Variants in SEMA5B observed in about 807,000 individuals in gnomAD.
SEMA5B encodes the protein semaphorin-5B.
A neutral mutation model predicts 135.0 loss-of-function variants in SEMA5B; 66 were observed. The observed-to-expected ratio is 0.49, with a 90% CI of 0.40 to 0.60. SEMA5B has a LOEUF of 0.60. SEMA5B is among the 20% of genes least tolerant of loss of function. The probability of loss-of-function intolerance (pLI) is 0.00; values close to 1 mark genes in which losing one functional copy is unlikely to be tolerated. For missense variants in SEMA5B, 1,501 were observed against 1,566.3 expected (o/e 0.96, Z 0.70); for synonymous variants, 690 against 639.5 (o/e 1.08, Z -1.19).
intron 1 of SEMA5B, among the ~76,000 whole-genome samples, chr3:123,006,786 C>G (rs895236492): frequency 5.9e-5 from 9 of 152,100 alleles, no homozygotes; most frequent in African/African-American, 1.9e-4. Flanking sequence ...CACCCTCCCC[C>G]CATCTATGTT....
At chr3:122,930,781 A>G (rs1055291356) in intron 5 of SEMA5B, among the ~76,000 whole-genome samples, 1 of 152,240 alleles carries the variant, frequency 6.6e-6, no homozygotes, top group African/African-American at 2.4e-5. Flanking sequence ...TGAAACACAT[A>G]GCCTTTTGCT....
chr3:123,024,159 A>G (rs1354920014), intron 1 of SEMA5B, among the ~76,000 whole-genome samples: 1 of 152,264 alleles, frequency 6.6e-6, no homozygotes, highest in East Asian at 1.9e-4. Context: ...GCTAACTCAG[A>G]TCATTGGATA....
At position 122,915,168 on chromosome 3, in the gene SEMA5B, C is replaced by T. The variant is rs189602637; in HGVS notation, c.1988+272G>A. On this transcript the variant is annotated intron_variant, in intron 14 of 22. Transcript: ENST00000357599. The stretch of plus-strand genomic sequence containing the variant: ...GTTTGGGATGAGACTTACTGAGGCA[C>T]GCTTTTGTCTAGGAGTGACCTCCAT... Among the ~76,000 whole-genome samples, 17 of 152,330 alleles carry T rather than the reference C, an allele frequency of 1.1e-4. No homozygotes were observed. In the South Asian group the frequency reaches 2.1e-3, roughly 19 times the overall value.
chr3:122,990,143 AC>A (rs959007486), intron 1 of SEMA5B, among the ~76,000 whole-genome samples: 2 of 152,058 alleles, frequency 1.3e-5, no homozygotes, highest in Non-Finnish European at 2.9e-5. Context: ...CACCTGGAGC[AC>A]CTCTCAGCGC....
At chr3:123,026,170 G>C (rs905205927) in intron 1 of SEMA5B, among the ~76,000 whole-genome samples, 18 of 152,206 alleles carry the variant, frequency 1.2e-4, no homozygotes. Flanking sequence ...GAAAAAGATG[G>C]GGTTAGGGCC....
chr3:122,954,939 C>T (rs915959598), intron 2 of SEMA5B, among the ~76,000 whole-genome samples: 3 of 151,030 alleles, frequency 2.0e-5, no homozygotes, highest in Non-Finnish European at 2.9e-5. Context: ...ACTACAGGCA[C>T]ATACCACCAG....
intron 1 of SEMA5B, among the ~76,000 whole-genome samples, chr3:122,970,822 A>G (rs796175871): frequency 2.4e-4 from 36 of 152,344 alleles, no homozygotes; most frequent in African/African-American, 8.7e-4. Context: ...GCCTAACTCC[A>G]GTGCCCATGC....
chr3:123,020,931 C>T (rs113464662), intron 1 of SEMA5B, among the ~76,000 whole-genome samples: 1 of 152,226 alleles, frequency 6.6e-6, no homozygotes, highest in Non-Finnish European at 1.5e-5. Flanking sequence ...GAAAGTCTCA[C>T]TCTGGAACCT....
At chr3:123,025,777 G>C (rs1158403263) in intron 1 of SEMA5B, among the ~76,000 whole-genome samples, 2 of 152,312 alleles carry the variant, frequency 1.3e-5, no homozygotes, top group African/African-American at 4.8e-5. Context: ...ACCGCCCCAT[G>C]AGTGACCAAG....
At chr3:122,976,136 C>A in intron 1 of SEMA5B, 1 of 1,535,162 alleles carries the variant, frequency 6.5e-7, no homozygotes, top group Non-Finnish European at 8.7e-7. Context: ...GGTTTATACA[C>A]TCTCATCACT....
intron 1 of SEMA5B, among the ~76,000 whole-genome samples, chr3:122,970,536 C>T (rs1941063345): frequency 1.3e-5 from 2 of 152,198 alleles, no homozygotes; most frequent in South Asian, 2.1e-4. Flanking sequence ...AGAGAGCTTC[C>T]CACCTCCTTA....
In SEMA5B at chr3:122,922,373, G is replaced by A. The variant is rs201933210; in HGVS notation, c.1347C>T (p.Phe449=). ...CCGGCTGCACGGCCTCGCTCATCAG[G>A]AAGAGGCGCTGCGCGTCCTGCAGGC... ...ERSLQDAQRL[F]LMSEAVQPVT... is the part of the protein sequence containing the mutation. Residue 449 remains phenylalanine (F), a synonymous_variant, in exon 11 of 23, where the codon TTC becomes TTT. Coordinates refer to ENST00000357599, the MANE Select transcript of SEMA5B (RefSeq NM_001031702.4). 1.9e-6 allele frequency: 3 copies of A among 1,612,930 alleles called. No homozygotes were observed. In the Admixed American group the frequency reaches 5.0e-5, roughly 27 times the overall value.
intron 3 of SEMA5B, among the ~76,000 whole-genome samples, chr3:122,946,638 G>A (rs969741749): frequency 1.3e-5 from 2 of 152,160 alleles, no homozygotes; most frequent in African/African-American, 4.8e-5. Context: ...ACCAGAACCA[G>A]TACCAGCTGG....
intron 1 of SEMA5B, among the ~76,000 whole-genome samples, chr3:122,962,755 G>T (rs1452097033): frequency 6.6e-6 from 1 of 152,194 alleles, no homozygotes. Context: ...TTTCTGTGCT[G>T]GTGGTGTCAG....
intron 4 of SEMA5B, among the ~76,000 whole-genome samples, chr3:122,942,977 A>C (rs1255825503): frequency 6.6e-6 from 1 of 152,176 alleles, no homozygotes; most frequent in African/African-American, 2.4e-5. Flanking sequence ...CAGTGGACTA[A>C]GAGGTCAGGC....
At chr3:122,942,835 G>A (rs1163871061) in intron 4 of SEMA5B, among the ~76,000 whole-genome samples, 2 of 152,154 alleles carry the variant, frequency 1.3e-5, no homozygotes, top group African/African-American at 4.8e-5. Flanking sequence ...TACTGGGGTC[G>A]GCCCTCTCTA....
intron 1 of SEMA5B, among the ~76,000 whole-genome samples, chr3:122,978,060 C>T (rs938606907): frequency 1.5e-4 from 23 of 152,228 alleles, no homozygotes; most frequent in Non-Finnish European, 3.1e-4. Context: ...GATGCGGAAC[C>T]AGCCAGCCAG....
At chr3:123,018,216 G>GA (rs1942603910) in intron 1 of SEMA5B, among the ~76,000 whole-genome samples, 1 of 152,238 alleles carries the variant, frequency 6.6e-6, no homozygotes, top group Non-Finnish European at 1.5e-5. Context: ...GGCCAGTGCT[G>GA]AAACAGTTTA....
At chr3:122,912,797 A>C in intron 18 of SEMA5B, 46 bp downstream of exon 18, 1 of 1,496,314 alleles carries the variant, frequency 6.7e-7, no homozygotes, top group African/African-American at 1.4e-5. Context: ...GGCCTCCAGG[A>C]TGACAGGGTT....
Sources: allele counts gnomAD v4.1 joint callset (sites outside exome capture counted in the v4.1 genomes callset), GRCh38; gene constraint gnomAD v4.1.1; transcripts MANE v1.5; gene names NCBI Gene and HGNC (gene_info 2026-07-23, HGNC 2026-07-21).